MVB12B: variants seen among roughly 807,000 people sequenced by gnomAD.
The protein encoded by MVB12B is ESCRT-I complex subunit MVB12B.
MVB12B carries 16 observed loss-of-function variants against 41.6 expected under a neutral mutation model. The observed-to-expected ratio is 0.38, with a 90% CI of 0.26 to 0.58. The LOEUF is 0.58. Among genes scored for constraint, MVB12B ranks in the 20% least tolerant of loss-of-function variants. MVB12B has a pLI of 0.62. For missense variants in MVB12B, 274 were observed against 380.2 expected (o/e 0.72, Z 2.32); for synonymous variants, 133 against 139.7 (o/e 0.95, Z 0.34).
intron 7 of MVB12B, among the ~76,000 whole-genome samples, chr9:126,430,315 G>C (rs1358123534): frequency 1.3e-5 from 2 of 151,894 alleles, no homozygotes; most frequent in Admixed American, 1.3e-4. Flanking sequence ...CGCTCCCTGC[G>C]TCCTCCTTGC....
chr9:126,370,672 G>A lies in MVB12B; in HGVS notation c.205-10392G>A, dbSNP rs532433160. Among the ~76,000 whole-genome samples the A allele has an allele frequency of 1.1e-3, 163 of 152,194 alleles. 2 individuals are homozygous for A. The highest frequency in any genetic ancestry group is 3.7e-3 in the African/African-American group (152 of 41,530). ...ACTGGGATTGCAGGTGTGAGTCACCGCGCCTGGCCTGGAGGGGTTTTTTAT... is the reference window on the plus strand; with the variant it reads ...ACTGGGATTGCAGGTGTGAGTCACCACGCCTGGCCTGGAGGGGTTTTTTAT... On this transcript the variant is annotated intron_variant, in intron 2 of 9. Coordinates refer to ENST00000361171, the MANE Select transcript of MVB12B (RefSeq NM_033446.3).
chr9:126,358,575 T>C (rs1416335745), intron 2 of MVB12B, among the ~76,000 whole-genome samples: 3 of 152,222 alleles, frequency 2.0e-5, no homozygotes, highest in African/African-American at 4.8e-5. Flanking sequence ...TTGTAAATGG[T>C]ATTTATTTTT....
intron 7 of MVB12B, among the ~76,000 whole-genome samples, chr9:126,465,263 A>G (rs190150695): frequency 6.6e-6 from 1 of 152,354 alleles, no homozygotes; most frequent in African/African-American, 2.4e-5. Flanking sequence ...AGACTATCAG[A>G]GCTGGATCTT....
intron 7 of MVB12B, among the ~76,000 whole-genome samples, chr9:126,443,436 A>G (rs1340773750): frequency 6.6e-6 from 1 of 152,188 alleles, no homozygotes; most frequent in African/African-American, 2.4e-5. Context: ...GCCTGATAAA[A>G]AGTTTGTTCC....
intron 1 of MVB12B, among the ~76,000 whole-genome samples, chr9:126,338,950 C>G (rs567346581): frequency 6.6e-6 from 1 of 152,308 alleles, no homozygotes; most frequent in African/African-American, 2.4e-5. Context: ...GTAAATGAAA[C>G]TTGAAAACAG....
chr9:126,368,095 T>C (rs1299891633), intron 2 of MVB12B, among the ~76,000 whole-genome samples: 2 of 152,252 alleles, frequency 1.3e-5, no homozygotes, highest in East Asian at 3.8e-4. Context: ...GCAACGCCGA[T>C]ACTTGGCATT....
In MVB12B at chr9:126,340,515, C is replaced by T. The variant is rs1829415463; in HGVS notation, c.89C>T (p.Ser30Phe). ...PPPPQRGTDQ[S>F]TMPEVKDLSE... ...TTTCCTTTGCTGAACCAGGACCAGT[C>T]CACCATGCCTGAAGTCAAAGACCTC... is the stretch of plus-strand genomic sequence containing the variant. The change falls in exon 2 of 10, where the codon TCC becomes TTC. Residue 30 changes from serine (S) to phenylalanine (F), a missense_variant. Physicochemically the swap from Ser to Phe is radical, Grantham distance 155 (BLOSUM62 -2). Transcript: ENST00000361171. This position sits in a 1 kb window ranked among gnomAD's most constrained non-coding sequence, Gnocchi z 4.0. The T allele has an allele frequency of 1.9e-6, 3 of 1,613,926 alleles. No homozygotes were observed. Among genetic ancestry groups the T allele is most frequent in the Non-Finnish European group, 2.5e-6 (3 of 1,179,958 alleles).
intron 6 of MVB12B, chr9:126,396,016 G>C: frequency 9.2e-7 from 1 of 1,089,624 alleles, no homozygotes; most frequent in Non-Finnish European, 1.1e-6. Context: ...CCATGGGGTT[G>C]GGATCACTGG....
At position 126,406,528 on chromosome 9, in the gene MVB12B, TGTTTTA is replaced by T. The variant is rs1831431730; in HGVS notation, c.662+10834_662+10839del. The stretch of plus-strand genomic sequence containing the variant: ...GACTCTTGAATTTTCGAAAAGCGGA[TGTTTTA>T]GTAGGCTGGAAGAAGATGAAAAGCT... On this transcript the variant is annotated intron_variant, in intron 6 of 9. Coordinates refer to ENST00000361171, the MANE Select transcript of MVB12B (RefSeq NM_033446.3). 2.0e-5 allele frequency among the ~76,000 whole-genome samples: 3 copies of T among 152,214 alleles called. No individual in the cohort carries two copies. In the South Asian group the frequency reaches 6.2e-4, roughly 32 times the overall value.
intron 7 of MVB12B, among the ~76,000 whole-genome samples, chr9:126,461,586 A>C (rs1833090806): frequency 6.6e-6 from 1 of 152,206 alleles, no homozygotes; most frequent in Non-Finnish European, 1.5e-5. Context: ...TTTCTATTGG[A>C]TTAATAACAT....
chr9:126,328,564 TCA>T (rs1829044713), intron 1 of MVB12B, among the ~76,000 whole-genome samples: 1 of 152,194 alleles, frequency 6.6e-6, no homozygotes, highest in Non-Finnish European at 1.5e-5. Context: ...TTTCTGAGTT[TCA>T]GTTTCCTCAT....
rs1209339204 is a variant in MVB12B, at chr9:126,395,924, TCTAAAATTGCAGATTATGCAAC to T, written c.662+228_662+249del. On this transcript the variant is annotated intron_variant, in intron 6 of 9. Coordinates refer to ENST00000361171, the MANE Select transcript of MVB12B (RefSeq NM_033446.3). The surrounding 1 kb of genome is among the most constrained non-coding windows in gnomAD (Gnocchi z 4.9). Reference sequence around the variant, plus strand: ...CTATTTTGTGCGTGTTCTGCAGGCTTCTAAAATTGCAGATTATGCAACTTAAAATTGGCTCCCTATTCAAAAG... The same window carrying T: ...CTATTTTGTGCGTGTTCTGCAGGCTTTTAAAATTGGCTCCCTATTCAAAAG... 7.5e-7 allele frequency: 1 copy of T among 1,341,066 alleles called. No homozygotes were observed. The highest frequency in any genetic ancestry group is 9.5e-7 in the Non-Finnish European group (1 of 1,048,830). The allele number at this position is 1,341,066 out of a possible 1,614,324, so 83.1% of individuals were successfully genotyped here.
intron 7 of MVB12B, among the ~76,000 whole-genome samples, chr9:126,458,235 G>A (rs1403488967): frequency 6.6e-6 from 1 of 152,296 alleles, no homozygotes; most frequent in Non-Finnish European, 1.5e-5. Context: ...GCGGGTAAAC[G>A]TCTCTGTGCC....
intron 2 of MVB12B, among the ~76,000 whole-genome samples, chr9:126,351,483 C>CTTTTTTTTTT (rs34141510): frequency 2.5e-4 from 22 of 86,312 alleles, no homozygotes; most frequent in Non-Finnish European, 3.3e-4. Context: ...GTCTTTCACT[C>CTTTTTTTTTT]TTTTTTTTTT....
rs1830940782 is a variant in MVB12B, at chr9:126,391,204, T to TA, written c.410-856dup. 6.6e-6 allele frequency among the ~76,000 whole-genome samples: 1 copy of TA among 152,136 alleles called. No homozygotes were observed. The highest frequency in any genetic ancestry group is 1.5e-5 in the Non-Finnish European group (1 of 68,026). On this transcript the variant is annotated intron_variant, in intron 4 of 9. Transcript: ENST00000361171. This position sits in a 1 kb window ranked among gnomAD's most constrained non-coding sequence, Gnocchi z 4.4. ...GTGTACCCCGGACGGCGTGCATGCC[T>TA]AAAAAACCTAACCTGAGTCTAATCG...
intron 4 of MVB12B, among the ~76,000 whole-genome samples, chr9:126,388,284 A>G (rs955583904): frequency 3.3e-5 from 5 of 152,192 alleles, no homozygotes; most frequent in Non-Finnish European, 7.3e-5. Flanking sequence ...AAATGGAATC[A>G]TACAGCGTGT....
At chr9:126,400,440 G>A (rs1564310645) in intron 6 of MVB12B, among the ~76,000 whole-genome samples, 1 of 152,134 alleles carries the variant, frequency 6.6e-6, no homozygotes, top group African/African-American at 2.4e-5. Flanking sequence ...GTGGTCAGAC[G>A]GCATTTGGAT....
intron 3 of MVB12B, among the ~76,000 whole-genome samples, chr9:126,385,933 C>G (rs1293442167): frequency 6.6e-6 from 1 of 152,114 alleles, no homozygotes; most frequent in South Asian, 2.1e-4. Context: ...CACCAGTTAC[C>G]GAAACTGCGC....
intron 7 of MVB12B, among the ~76,000 whole-genome samples, chr9:126,469,183 T>TA (rs2048842586): frequency 6.6e-6 from 1 of 151,964 alleles, no homozygotes; most frequent in Non-Finnish European, 1.5e-5. Context: ...GTCTAAAAAA[T>TA]AAAAAAATAA....
Sources: allele counts gnomAD v4.1 joint callset (sites outside exome capture counted in the v4.1 genomes callset), GRCh38; gene constraint gnomAD v4.1.1; non-coding constraint Gnocchi (gnomAD v3.1); transcripts MANE v1.5; gene names NCBI Gene and HGNC (gene_info 2026-07-23, HGNC 2026-07-21).